Variants in ANKS1B observed in about 807,000 individuals in gnomAD.
ANKS1B encodes the protein ankyrin repeat and sterile alpha motif domain containing 1B.
ANKS1B carries 36 observed loss-of-function variants against 148.3 expected under a neutral mutation model. That is an observed-to-expected ratio of 0.24 (90% CI 0.19 to 0.32). The LOEUF is 0.32. ANKS1B is among the 10% of genes least tolerant of loss of function. The probability of loss-of-function intolerance (pLI) is 1.00; values close to 1 mark genes in which losing one functional copy is unlikely to be tolerated. For missense variants in ANKS1B, 1,157 were observed against 1,542.6 expected (o/e 0.75, Z 4.19); for synonymous variants, 542 against 560.8 (o/e 0.97, Z 0.47).
intron 17 of ANKS1B, among the ~76,000 whole-genome samples, chr12:98,919,744 T>C (rs2099798897): frequency 6.6e-6 from 1 of 152,226 alleles, no homozygotes; most frequent in South Asian, 2.1e-4. Context: ...TATCTTTTCA[T>C]AGGGTCCCTT....
intron 8 of ANKS1B, among the ~76,000 whole-genome samples, chr12:99,698,475 G>T (rs1163238696): frequency 6.6e-6 from 1 of 152,046 alleles, no homozygotes; most frequent in African/African-American, 2.4e-5. Context: ...ACACTATTGG[G>T]AACTGGGATT....
At chr12:99,184,930 T>C (rs188483168) in intron 14 of ANKS1B, among the ~76,000 whole-genome samples, 9 of 152,340 alleles carry the variant, frequency 5.9e-5, no homozygotes, top group Admixed American at 5.9e-4. Context: ...AGCACAGTAG[T>C]TAGTATATAC....
chr12:99,909,610 A>T (rs1204789122), intron 1 of ANKS1B, among the ~76,000 whole-genome samples: 1 of 152,110 alleles, frequency 6.6e-6, no homozygotes, highest in Non-Finnish European at 1.5e-5. Context: ...TTTTTATGCC[A>T]GTACCATACT....
chr12:99,735,138 T>C (rs1567744226), intron 8 of ANKS1B, among the ~76,000 whole-genome samples: 1 of 152,164 alleles, frequency 6.6e-6, no homozygotes, highest in Non-Finnish European at 1.5e-5. Flanking sequence ...TGGAAGTTGA[T>C]AGCAATAAAC....
intron 14 of ANKS1B, among the ~76,000 whole-genome samples, chr12:99,215,423 C>A (rs2084006598): frequency 6.6e-6 from 1 of 152,152 alleles, no homozygotes; most frequent in Admixed American, 6.5e-5. Flanking sequence ...TCCTCCAGAC[C>A]TCAGAGAGGT....
At chr12:99,421,568 A>G (rs1350470414) in intron 11 of ANKS1B, among the ~76,000 whole-genome samples, 1 of 152,090 alleles carries the variant, frequency 6.6e-6, no homozygotes, top group African/African-American at 2.4e-5. Flanking sequence ...AATTAATCAC[A>G]ATAAGCCTTT....
At chr12:99,169,486 A>C (rs781687950) in intron 14 of ANKS1B, among the ~76,000 whole-genome samples, 1 of 152,194 alleles carries the variant, frequency 6.6e-6, no homozygotes, top group Non-Finnish European at 1.5e-5. Context: ...TGTAATAACT[A>C]TCTGTTTATG....
At chr12:98,787,302 G>A (rs893139915) in intron 22 of ANKS1B, among the ~76,000 whole-genome samples, 1 of 152,098 alleles carries the variant, frequency 6.6e-6, no homozygotes, top group South Asian at 2.1e-4. Context: ...AGGCTTCCGC[G>A]GTCTCCCAGG....
At chr12:98,919,525 G>GC (rs1325299002) in intron 17 of ANKS1B, among the ~76,000 whole-genome samples, 1 of 152,204 alleles carries the variant, frequency 6.6e-6, no homozygotes, top group Non-Finnish European at 1.5e-5. Flanking sequence ...GGAATCAGAA[G>GC]CCCTCAGTTC....
chr12:99,773,175 T>C (rs1765968195), intron 7 of ANKS1B, 87 bp from the exon 8 acceptor site: 3 of 1,080,582 alleles, frequency 2.8e-6, no homozygotes, highest in East Asian at 2.5e-5. Context: ...GCTATGGTGA[T>C]AGAACTCAAA....
chr12:99,778,704 AC>A (rs1356178238), intron 6 of ANKS1B, among the ~76,000 whole-genome samples: 1 of 152,134 alleles, frequency 6.6e-6, no homozygotes, highest in Admixed American at 6.5e-5. Context: ...CATGCATTTG[AC>A]TTGTAATTAA....
At chr12:98,878,372 T>TC (rs2099697126) in intron 17 of ANKS1B, among the ~76,000 whole-genome samples, 1 of 107,264 alleles carries the variant, frequency 9.3e-6, no homozygotes, top group African/African-American at 4.1e-5. Flanking sequence ...AGACCCTGTC[T>TC]CAAAACAAAC....
chr12:99,744,567 C>T (rs1378260337), intron 8 of ANKS1B, among the ~76,000 whole-genome samples: 3 of 152,202 alleles, frequency 2.0e-5, no homozygotes, highest in Non-Finnish European at 2.9e-5. Flanking sequence ...TTTTACTCTG[C>T]TTAGTTCCTC....
At chr12:99,670,131 T>C (rs536861442) in intron 8 of ANKS1B, among the ~76,000 whole-genome samples, 6 of 152,302 alleles carry the variant, frequency 3.9e-5, no homozygotes, top group Admixed American at 2.6e-4. Flanking sequence ...ATTATTCATA[T>C]CTGTTTCTCC....
intron 9 of ANKS1B, among the ~76,000 whole-genome samples, chr12:99,556,306 T>C (rs2097275329): frequency 6.6e-6 from 1 of 152,160 alleles, no homozygotes; most frequent in Non-Finnish European, 1.5e-5. Context: ...GTTGTGTTTA[T>C]TTGGATCTTC....
chr12:99,007,875 C>T (rs957504032), intron 17 of ANKS1B, among the ~76,000 whole-genome samples: 10 of 151,866 alleles, frequency 6.6e-5, no homozygotes, highest in Middle Eastern at 3.4e-3. Flanking sequence ...GAGATCCACA[C>T]GTTATCTATC....
rs568753784 is a variant in ANKS1B at position 99,008,722 on chromosome 12, A to G, written c.2778+44435T>C. On this transcript the variant is annotated intron_variant, in intron 17 of 26. Transcript: ENST00000683438. ...AATTGTTATGGAAAATCCCAAAAAT[A>G]TAAAAGAAAAAAATTTTAAAAACTA... Among the ~76,000 whole-genome samples the G allele has an allele frequency of 4.7e-4, 72 of 152,330 alleles. 1 individual carries two copies. The highest frequency in any genetic ancestry group is 1.7e-3 in the African/African-American group (71 of 41,578).
intron 8 of ANKS1B, among the ~76,000 whole-genome samples, chr12:99,680,757 T>C (rs1206442486): frequency 6.6e-6 from 1 of 152,066 alleles, no homozygotes; most frequent in East Asian, 1.9e-4. Context: ...TGGTACAAGA[T>C]CTCAGTACTG....
chr12:99,472,533 G>A (rs1235428697), intron 10 of ANKS1B, among the ~76,000 whole-genome samples: 1 of 152,004 alleles, frequency 6.6e-6, no homozygotes, highest in Admixed American at 6.6e-5. Context: ...AACAAAAATT[G>A]GATGTTTTGT....
Sources: allele counts gnomAD v4.1 joint callset (sites outside exome capture counted in the v4.1 genomes callset), GRCh38; gene constraint gnomAD v4.1.1; transcripts MANE v1.5; gene names NCBI Gene and HGNC (gene_info 2026-07-23, HGNC 2026-07-21).